Variants in PCDH9 observed in about 807,000 individuals in gnomAD.
PCDH9 encodes the protein protocadherin 9.
A neutral mutation model predicts 70.6 loss-of-function variants in PCDH9; 24 were observed. That is an observed-to-expected ratio of 0.34 (90% CI 0.25 to 0.48). PCDH9 has a LOEUF of 0.48. Among genes scored for constraint, PCDH9 ranks in the 20% least tolerant of loss-of-function variants. PCDH9 has a pLI of 0.99. For synonymous variants in PCDH9, 562 were observed against 558.5 expected (o/e 1.01, Z -0.09); for missense variants, 1,281 against 1,503.6 (o/e 0.85, Z 2.45).
At chr13:66,776,951 T>A (rs1235278913) in intron 3 of PCDH9, among the ~76,000 whole-genome samples, 1 of 149,848 alleles carries the variant, frequency 6.7e-6, no homozygotes, top group Non-Finnish European at 1.5e-5. Flanking sequence ...AATGGAACAG[T>A]ACACAGCCCT....
At chr13:67,049,035 G>A (rs973874882) in intron 2 of PCDH9, among the ~76,000 whole-genome samples, 2 of 152,164 alleles carry the variant, frequency 1.3e-5, no homozygotes, top group Non-Finnish European at 2.9e-5. Context: ...TTGTAGATAG[G>A]AGTGCATTGT....
At chr13:66,727,217 T>C (rs1311062094) in intron 3 of PCDH9, among the ~76,000 whole-genome samples, 3 of 152,262 alleles carry the variant, frequency 2.0e-5, no homozygotes, top group Middle Eastern at 3.4e-3. Context: ...GCTATGATCA[T>C]GCCACTGCAC....
intron 2 of PCDH9, among the ~76,000 whole-genome samples, chr13:66,930,640 A>G (rs1191314885): frequency 6.6e-6 from 1 of 152,158 alleles, no homozygotes; most frequent in Non-Finnish European, 1.5e-5. Flanking sequence ...CATGGTCATT[A>G]ATTCCTTTGG....
intron 4 of PCDH9, among the ~76,000 whole-genome samples, chr13:66,336,193 G>A (rs1956034617): frequency 6.6e-6 from 1 of 151,900 alleles, no homozygotes; most frequent in East Asian, 1.9e-4. Context: ...CAATGTAAGT[G>A]TTAAAAAGTA....
At chr13:66,320,618 A>C (rs1247146661) in intron 4 of PCDH9, among the ~76,000 whole-genome samples, 2 of 152,140 alleles carry the variant, frequency 1.3e-5, no homozygotes, top group African/African-American at 4.8e-5. Context: ...TGTAAATGGA[A>C]CACCAAGAAA....
intron 3 of PCDH9, among the ~76,000 whole-genome samples, chr13:66,749,695 C>A (rs912376311): frequency 6.6e-6 from 1 of 152,102 alleles, no homozygotes; most frequent in Admixed American, 6.6e-5. Context: ...GGAATGAATG[C>A]CTATACTAGA....
chr13:66,746,117 T>C (rs1271075026), intron 3 of PCDH9, among the ~76,000 whole-genome samples: 2 of 152,218 alleles, frequency 1.3e-5, no homozygotes, highest in East Asian at 3.9e-4. Flanking sequence ...TACCTGTATG[T>C]TGCCATATAC....
At chr13:66,999,085 G>A (rs761061371) in intron 2 of PCDH9, among the ~76,000 whole-genome samples, 3 of 152,094 alleles carry the variant, frequency 2.0e-5, no homozygotes, top group African/African-American at 4.8e-5. Flanking sequence ...CCTTTAGAAC[G>A]TCTTGCTTCC....
intron 4 of PCDH9, among the ~76,000 whole-genome samples, chr13:66,309,224 G>A (rs1429508592): frequency 1.3e-5 from 2 of 152,048 alleles, no homozygotes; most frequent in Non-Finnish European, 2.9e-5. Flanking sequence ...CAAAAGCCCA[G>A]TGAGTTTTAT....
At chr13:66,837,974 AT>A (rs2081050933) in intron 3 of PCDH9, among the ~76,000 whole-genome samples, 1 of 152,150 alleles carries the variant, frequency 6.6e-6, no homozygotes, top group African/African-American at 2.4e-5. Flanking sequence ...TGAACACTAA[AT>A]TTTCACTGAA....
At chr13:66,395,554 C>T (rs1251320674) in intron 4 of PCDH9, among the ~76,000 whole-genome samples, 2 of 151,974 alleles carry the variant, frequency 1.3e-5, no homozygotes. Flanking sequence ...GAGCCAAGAT[C>T]GTGCCACTGC....
intron 4 of PCDH9, among the ~76,000 whole-genome samples, chr13:66,623,198 A>G (rs1363194645): frequency 6.6e-6 from 1 of 152,234 alleles, no homozygotes; most frequent in Non-Finnish European, 1.5e-5. Flanking sequence ...TTCCGGACAC[A>G]CTATCAGCCG....
intron 2 of PCDH9, among the ~76,000 whole-genome samples, chr13:66,969,163 T>C (rs2083476696): frequency 6.6e-6 from 1 of 152,062 alleles, no homozygotes; most frequent in African/African-American, 2.4e-5. Flanking sequence ...CTCTCGCTAC[T>C]GTGAATACCG....
chr13:66,884,826 C>T (rs575488029), intron 3 of PCDH9, among the ~76,000 whole-genome samples: 5 of 152,014 alleles, frequency 3.3e-5, no homozygotes, highest in Non-Finnish European at 5.9e-5. Flanking sequence ...ATTTTCTTTA[C>T]GATAAATTTA....
At chr13:66,713,152 C>T (rs9564336) in intron 3 of PCDH9, among the ~76,000 whole-genome samples, 20,261 of 151,970 alleles carry the variant, frequency 0.13, 1,569 homozygotes, top group African/African-American at 0.21. Flanking sequence ...AAGCTGAGCA[C>T]GGAATGAGTT....
intron 3 of PCDH9, among the ~76,000 whole-genome samples, chr13:66,675,304 C>A (rs532382211): frequency 6.6e-6 from 1 of 152,100 alleles, no homozygotes; most frequent in South Asian, 2.1e-4. Flanking sequence ...TATTTAAAAG[C>A]ATATTTTTTA....
intron 3 of PCDH9, among the ~76,000 whole-genome samples, chr13:66,818,841 G>A (rs2080656428): frequency 6.6e-6 from 1 of 152,098 alleles, no homozygotes; most frequent in Admixed American, 6.5e-5. Context: ...GGCTGAGGCA[G>A]GAGAATGGCG....
At chr13:66,928,377 T>C (rs916311441) in intron 2 of PCDH9, among the ~76,000 whole-genome samples, 1 of 152,118 alleles carries the variant, frequency 6.6e-6, no homozygotes, top group Non-Finnish European at 1.5e-5. Flanking sequence ...TAATATGGAA[T>C]TTCGTGTCTC....
chr13:66,362,920 C>T (rs1317498844), intron 4 of PCDH9, among the ~76,000 whole-genome samples: 1 of 152,146 alleles, frequency 6.6e-6, no homozygotes, highest in East Asian at 1.9e-4. Flanking sequence ...GTGGCTCAGG[C>T]CTGTAATCCC....
Sources: gnomAD v4.1 joint callset for allele counts (sites outside exome capture counted in the v4.1 genomes callset) on GRCh38, gnomAD v4.1.1 for gene constraint, MANE v1.5 for transcripts, NCBI Gene and HGNC (gene_info 2026-07-23, HGNC 2026-07-21) for gene names.